DEPDC5: variants seen among roughly 807,000 people sequenced by gnomAD.
DEPDC5 encodes DEP domain containing 5, GATOR1 subcomplex subunit.
DEPDC5 carries 73 observed loss-of-function variants against 217.3 expected under a neutral mutation model. That is an observed-to-expected ratio of 0.34 (90% confidence interval 0.28 to 0.41). The LOEUF is 0.41. Among genes scored for constraint, DEPDC5 ranks in the 10% least tolerant of loss-of-function variants. DEPDC5 has a pLI of 1.00. For synonymous variants in DEPDC5, 733 were observed against 756.7 expected (o/e 0.97, Z 0.51); for missense variants, 1,675 against 2,070.1 (o/e 0.81, Z 3.70).
At chr22:31,836,671 C>T (rs963449246) in intron 25 of DEPDC5, among the ~76,000 whole-genome samples, 1 of 152,144 alleles carries the variant, frequency 6.6e-6, no homozygotes, top group African/African-American at 2.4e-5. Context: ...TTCTGCCTGC[C>T]CTGCCGTAAT....
At chr22:31,893,343 A>G (rs866708451) in intron 38 of DEPDC5, among the ~76,000 whole-genome samples, 4 of 152,312 alleles carry the variant, frequency 2.6e-5, no homozygotes, top group Middle Eastern at 6.8e-3. Flanking sequence ...TTGCACTACA[A>G]TAGCAGAGTT....
chr22:31,758,778 G>A (rs1017552693), intron 3 of DEPDC5, 145 bp downstream of exon 3: 2 of 789,354 alleles, frequency 2.5e-6, no homozygotes, highest in African/African-American at 1.7e-5. Context: ...GCTGAGGTGG[G>A]TAGGTCATTT....
chr22:31,852,209 G>A (rs2092062939), intron 31 of DEPDC5, among the ~76,000 whole-genome samples: 1 of 152,048 alleles, frequency 6.6e-6, no homozygotes, highest in Admixed American at 6.6e-5. Flanking sequence ...AAAGGGATAC[G>A]AATAATAGAC....
rs192012581 is a variant in DEPDC5, at chr22:31,761,067, C to T, written c.193+365C>T. On this transcript the variant is annotated intron_variant, in intron 4 of 42. Transcript: ENST00000651528. Reference sequence around the variant, plus strand: ...CGCGATCTCGGCTCACTGCAAGCTCCGCCTCCTGGGTTCACACCATTCTCC... The same window carrying T: ...CGCGATCTCGGCTCACTGCAAGCTCTGCCTCCTGGGTTCACACCATTCTCC... Among the ~76,000 whole-genome samples the T allele has an allele frequency of 7.6e-4, 116 of 151,878 alleles. 1 individual carries two copies. Among genetic ancestry groups the T allele is most frequent in the African/African-American group, 2.5e-3 (102 of 41,406 alleles).
chr22:31,837,341 C>A, intron 26 of DEPDC5, 186 bp downstream of exon 26: 3 of 614,446 alleles, frequency 4.9e-6, no homozygotes, highest in Non-Finnish European at 7.9e-6. Flanking sequence ...TGTATTTTAT[C>A]TTTTTTTTTC....
chr22:31,789,672 T>G (rs1036268285), intron 10 of DEPDC5, among the ~76,000 whole-genome samples: 2 of 152,220 alleles, frequency 1.3e-5, no homozygotes, highest in Non-Finnish European at 2.9e-5. Context: ...TGAAAACATT[T>G]TGATGAAAAA....
rs1184855914 is a variant in DEPDC5, at chr22:31,819,065, T to C, written c.1710T>C (p.Ser570=). 2 of 1,614,044 alleles carry C rather than the reference T, an allele frequency of 1.2e-6. No individual in the cohort carries two copies. The highest frequency in any genetic ancestry group is 1.3e-5 in the African/African-American group (1 of 74,912). ...TGGAGCCACCACAGCGAGACTCCAG[T>C]GCACCAGGGAGGTTTCACGTTGGCA... is the stretch of plus-strand genomic sequence containing the variant. ...NMMEPPQRDS[S]APGRFHVGSA... The change falls in exon 22 of 43, where the codon AGT becomes AGC. Residue 570 remains serine (S), a synonymous_variant. Coordinates refer to ENST00000651528, the MANE Select transcript of DEPDC5 (RefSeq NM_001242896.3).
chr22:31,819,611 G>A (rs1430121936), intron 22 of DEPDC5, among the ~76,000 whole-genome samples: 3 of 151,894 alleles, frequency 2.0e-5, no homozygotes, highest in Non-Finnish European at 4.4e-5. Flanking sequence ...TGGGACTGTA[G>A]GTACGTGCCA....
In DEPDC5 at chr22:31,889,479, T is replaced by C. The variant is rs77293562; in HGVS notation, c.4034-4103T>C. Among the ~76,000 whole-genome samples the C allele has an allele frequency of 4.4e-3, 674 of 152,148 alleles. 4 individuals carry two copies. Among genetic ancestry groups the C allele is most frequent in the African/African-American group, 0.016 (653 of 41,494 alleles). On this transcript the variant is annotated intron_variant, in intron 38 of 42. Transcript: ENST00000651528. ...GGTATTTATTGAATATCCTCGTCTT[T>C]GTGACACAGACTTTTCACTTGGGAA...
At chr22:31,766,112 A>G (rs2082796576) in intron 5 of DEPDC5, among the ~76,000 whole-genome samples, 1 of 152,196 alleles carries the variant, frequency 6.6e-6, no homozygotes, top group Non-Finnish European at 1.5e-5. Context: ...ACCCACCACC[A>G]CTTTTCTTGA....
intron 24 of DEPDC5, among the ~76,000 whole-genome samples, chr22:31,829,302 C>G (rs1026867846): frequency 6.6e-6 from 1 of 152,100 alleles, no homozygotes; most frequent in African/African-American, 2.4e-5. Context: ...GAGGCCAAGG[C>G]GGGTGGATCA....
In DEPDC5 at chr22:31,906,317, C is replaced by T. The variant is rs374597058; in HGVS notation, c.4632C>T (p.Val1544=). 7.4e-6 allele frequency: 12 copies of T among 1,613,854 alleles called. No individual in the cohort carries two copies. Among genetic ancestry groups the T allele is most frequent in the Middle Eastern group, 1.6e-4 (1 of 6,084 alleles). Residue 1544 remains valine, a synonymous_variant, in exon 43 of 43, where the codon GTC becomes GTT. Transcript: ENST00000651528. The surrounding 1 kb of genome is among the most constrained non-coding windows in gnomAD (Gnocchi z 5.1). ...TNQNMFCEER[V]GYNWAYNTML... is the part of the protein sequence containing the mutation. ...AGAACATGTTCTGCGAGGAGCGGGT[C>T]GGCTACAACTGGGCCTACAACACCA...
intron 2 of DEPDC5, 38 bp downstream of exon 2, chr22:31,755,017 G>T (rs766452296): frequency 1.2e-6 from 2 of 1,613,366 alleles, no homozygotes; most frequent in East Asian, 4.5e-5. Flanking sequence ...TTGTAAGTTG[G>T]CTGAGGTTCT....
rs192047019 is a variant in DEPDC5, at chr22:31,883,211, G to A, written c.4033+3459G>A. Among the ~76,000 whole-genome samples the A allele has an allele frequency of 2.6e-5, 4 of 152,252 alleles. No homozygotes were observed. In the East Asian group the frequency reaches 5.8e-4, roughly 22 times the overall value. On this transcript the variant is annotated intron_variant, in intron 38 of 42. Transcript: ENST00000651528. ...GTAAAATTACCCCCAGCTGAGAACC[G>A]CTGTCCTAGGGGGAACTGAAGGATT... is the stretch of plus-strand genomic sequence containing the variant.
At chr22:31,892,938 C>T (rs986089296) in intron 38 of DEPDC5, among the ~76,000 whole-genome samples, 6 of 146,134 alleles carry the variant, frequency 4.1e-5, no homozygotes, top group African/African-American at 1.0e-4. Context: ...TGCAATGGCG[C>T]GATCTCGGCT....
chr22:31,829,095 C>A (rs2090389022), intron 24 of DEPDC5, among the ~76,000 whole-genome samples: 1 of 152,182 alleles, frequency 6.6e-6, no homozygotes, highest in Non-Finnish European at 1.5e-5. Context: ...AAAGATCCTC[C>A]CCTTCCTGAC....
At chr22:31,894,515 T>G (rs2093507646) in intron 39 of DEPDC5, 1 of 152,170 alleles carries the variant, frequency 6.6e-6, no homozygotes, top group Non-Finnish European at 1.5e-5. Flanking sequence ...ACTCAGTGGT[T>G]CTTTACCTGG....
At chr22:31,814,476 TTG>T (rs149257882) in intron 20 of DEPDC5, 6 of 154,690 alleles carry the variant, frequency 3.9e-5, no homozygotes, top group Admixed American at 1.3e-4. Flanking sequence ...ATAATGCCTT[TTG>T]TGTGTGTGTG....
intron 27 of DEPDC5, 105 bp downstream of exon 27, chr22:31,838,950 C>A: frequency 7.9e-7 from 1 of 1,260,616 alleles, no homozygotes; most frequent in Non-Finnish European, 1.1e-6. Flanking sequence ...TAATCGTTTT[C>A]GACATAGAAG....
Sources: allele counts gnomAD v4.1 joint callset (sites outside exome capture counted in the v4.1 genomes callset), GRCh38; gene constraint gnomAD v4.1.1; non-coding constraint Gnocchi (gnomAD v3.1); transcripts MANE v1.5; gene names NCBI Gene and HGNC (gene_info 2026-07-23, HGNC 2026-07-21).